Variants in DNAAF4 observed in about 807,000 individuals in gnomAD.
The protein encoded by DNAAF4 is dynein axonemal assembly factor 4.
Under a neutral mutation model 51.8 loss-of-function variants are expected in DNAAF4, and 43 were observed. That is an observed-to-expected ratio of 0.83 (90% CI 0.65 to 1.07). The LOEUF (loss-of-function observed/expected upper bound fraction) is 1.07. Among genes scored for constraint, DNAAF4 ranks in the 50% least tolerant of loss-of-function variants. The probability of loss-of-function intolerance (pLI) is 0.00; values close to 1 mark genes in which losing one functional copy is unlikely to be tolerated. For synonymous variants in DNAAF4, 194 were observed against 165.6 expected (o/e 1.17, Z -1.32); for missense variants, 581 against 493.0 (o/e 1.18, Z -1.69).
downstream of DNAAF4, among the ~76,000 whole-genome samples, chr15:55,429,829 A>C (rs2141393613): frequency 6.6e-6 from 1 of 152,186 alleles, no homozygotes; most frequent in African/African-American, 2.4e-5. Context: ...TCAAAAAAAA[A>C]AAAAAACCTT....
At chr15:55,457,967 G>A (rs1435605064) in intron 5 of DNAAF4, among the ~76,000 whole-genome samples, 5 of 152,140 alleles carry the variant, frequency 3.3e-5, no homozygotes, top group Admixed American at 3.3e-4. Context: ...CTCTCAGGAA[G>A]CCCCATCCCT....
intron 6 of DNAAF4, chr15:55,442,833 G>A (rs1306750679): frequency 2.0e-5 from 32 of 1,612,740 alleles, no homozygotes; most frequent in South Asian, 2.2e-5. Flanking sequence ...CAGTCATGAC[G>A]ATTCCCCCAG....
At chr15:55,434,004 T>TA (rs2057566320) in intron 8 of DNAAF4, among the ~76,000 whole-genome samples, 2 of 92,006 alleles carry the variant, frequency 2.2e-5, no homozygotes, top group African/African-American at 8.5e-5. Flanking sequence ...TAATATTATA[T>TA]ATATTATATA....
intron 7 of DNAAF4, among the ~76,000 whole-genome samples, chr15:55,420,913 G>C (rs1416034593): frequency 6.6e-6 from 1 of 152,092 alleles, no homozygotes; most frequent in Non-Finnish European, 1.5e-5. Flanking sequence ...GATTGGCCGG[G>C]CACGGTGGCT....
At chr15:55,505,233 A>C (rs2058720790) in intron 1 of DNAAF4, among the ~76,000 whole-genome samples, 1 of 152,244 alleles carries the variant, frequency 6.6e-6, no homozygotes, top group African/African-American at 2.4e-5. Context: ...ATCTCACACC[A>C]GTCAGAATGG....
intron 7 of DNAAF4, among the ~76,000 whole-genome samples, chr15:55,438,025 CA>C (rs1375276493): frequency 6.6e-6 from 1 of 152,106 alleles, no homozygotes; most frequent in East Asian, 1.9e-4. Context: ...AAAATATGAA[CA>C]CAAATTGCCA....
chr15:55,434,567 T>G (rs1020954025), intron 8 of DNAAF4, among the ~76,000 whole-genome samples: 2 of 152,036 alleles, frequency 1.3e-5, no homozygotes, highest in Non-Finnish European at 2.9e-5. Flanking sequence ...GCGCGGTGGC[T>G]CATGTCTGTA....
intron 6 of DNAAF4, among the ~76,000 whole-genome samples, chr15:55,443,616 C>T (rs2057750566): frequency 6.6e-6 from 1 of 152,222 alleles, no homozygotes; most frequent in African/African-American, 2.4e-5. Flanking sequence ...CTTGAGGAAT[C>T]GCCACACTGT....
At chr15:55,451,985 A>G (rs1320758125) in intron 5 of DNAAF4, among the ~76,000 whole-genome samples, 3 of 151,992 alleles carry the variant, frequency 2.0e-5, no homozygotes, top group Non-Finnish European at 4.4e-5. Context: ...AGCGGCTCAC[A>G]CCTGTAATCC....
chr15:55,481,599 G>A (rs2058411338), intron 4 of DNAAF4, among the ~76,000 whole-genome samples: 1 of 152,110 alleles, frequency 6.6e-6, no homozygotes, highest in African/African-American at 2.4e-5. Flanking sequence ...ACAGAGCAGG[G>A]CAAGAGTTCT....
rs71105887 is a variant in DNAAF4 at position 55,483,833 on chromosome 15, C to CTTTTTTTTTT, written c.405+7280_405+7289dup. 1.8e-4 allele frequency among the ~76,000 whole-genome samples: 15 copies of CTTTTTTTTTT among 82,476 alleles called. 5 individuals are homozygous for CTTTTTTTTTT. Among genetic ancestry groups the CTTTTTTTTTT allele is most frequent in the East Asian group, 1.9e-3 (2 of 1,074 alleles). 54.1% of individuals were successfully genotyped at this position (82,476 alleles called of 152,430 possible). On this transcript the variant is annotated intron_variant, in intron 4 of 9. Transcript: ENST00000321149. ...GAGCCATCACACCCAGCCAATAAAG[C>CTTTTTTTTTT]TTTTTTTTTTTTTTTTTTTTTTTTT... is the stretch of plus-strand genomic sequence containing the variant.
chr15:55,420,145 A>G (rs966758024), intron 7 of DNAAF4, among the ~76,000 whole-genome samples: 9 of 152,332 alleles, frequency 5.9e-5, no homozygotes, highest in African/African-American at 2.2e-4. Context: ...CAGAGAGATC[A>G]GGAGAAGTGT....
Position 55,450,359 on chromosome 15 carries a change from A to C in DNAAF4, c.646T>G (p.Ser216Ala), listed in dbSNP as rs1477597832. Reference sequence around the variant, plus strand: ...AACTTCTCAGTAAATATATTTTCTGAATTTCTCCCTTCAAAAACAATGGTA... The same window carrying C: ...AACTTCTCAGTAAATATATTTTCTGCATTTCTCCCTTCAAAAACAATGGTA... ...SRNLAPKGRNSENIFTEKLKE... is the reference protein window; with the variant it reads ...SRNLAPKGRNAENIFTEKLKE... The change falls in exon 6 of 10, where the codon TCA (serine) becomes GCA (alanine). Residue 216 changes from serine (S) to alanine (A), a missense_variant. Ser to Ala is a moderately conservative substitution (Grantham distance 99). Coordinates refer to ENST00000321149, the MANE Select transcript of DNAAF4 (RefSeq NM_130810.4). 1.2e-6 allele frequency: 2 copies of C among 1,608,410 alleles called. No individual in the cohort carries two copies. Among genetic ancestry groups the C allele is most frequent in the African/African-American group, 1.3e-5 (1 of 74,832 alleles).
intron 1 of DNAAF4, 93 bp from the exon 2 acceptor site, chr15:55,498,677 G>C (rs1473412503): frequency 5.3e-6 from 1 of 190,100 alleles, no homozygotes; most frequent in South Asian, 1.2e-4. Context: ...AGGCCGAGGC[G>C]GGCGGATCAC....
chr15:55,441,286 G>A (rs2057707922), intron 6 of DNAAF4, among the ~76,000 whole-genome samples: 1 of 150,200 alleles, frequency 6.7e-6, no homozygotes, highest in Admixed American at 6.7e-5. Context: ...TGGCCAGGCT[G>A]GTCTCGAACT....
downstream of DNAAF4, among the ~76,000 whole-genome samples, chr15:55,429,051 G>A (rs2057460392): frequency 1.3e-5 from 2 of 151,390 alleles, no homozygotes; most frequent in African/African-American, 2.4e-5. Flanking sequence ...GTAAAACCCC[G>A]TCTCTACTAA....
intron 4 of DNAAF4, among the ~76,000 whole-genome samples, chr15:55,479,890 G>C (rs555172689): frequency 6.6e-6 from 1 of 152,234 alleles, no homozygotes; most frequent in Non-Finnish European, 1.5e-5. Flanking sequence ...CTCTACTCTT[G>C]AATCCTGTGT....
At chr15:55,474,785 C>A (rs1957509997) in intron 4 of DNAAF4, among the ~76,000 whole-genome samples, 1 of 152,082 alleles carries the variant, frequency 6.6e-6, no homozygotes, top group Non-Finnish European at 1.5e-5. Flanking sequence ...TCAAGACCAG[C>A]CTGGCCAACA....
chr15:55,433,029 G>T (rs1045131668), intron 8 of DNAAF4, among the ~76,000 whole-genome samples: 2 of 152,096 alleles, frequency 1.3e-5, no homozygotes, highest in African/African-American at 4.8e-5. Context: ...GGTGGGCCTG[G>T]TGGCTCACGC....
Sources: allele counts gnomAD v4.1 joint callset (sites outside exome capture counted in the v4.1 genomes callset), GRCh38; gene constraint gnomAD v4.1.1; transcripts MANE v1.5; gene names NCBI Gene and HGNC (gene_info 2026-07-23, HGNC 2026-07-21).